MSH3: variants seen among roughly 807,000 people sequenced by gnomAD.
The protein encoded by MSH3 is mutS homolog 3.
MSH3 carries 106 observed loss-of-function variants against 123.3 expected under a neutral mutation model. That is an observed-to-expected ratio of 0.86 (90% CI 0.73 to 1.01). The LOEUF is 1.01. MSH3 is among the 50% of genes least tolerant of loss of function. The pLI is 0.00. For missense variants in MSH3, 1,459 were observed against 1,347.6 expected, an observed-to-expected ratio of 1.08 and a Z score of -1.29; for synonymous variants, 515 against 481.4, an observed-to-expected ratio of 1.07 and a Z score of -0.91.
intron 20 of MSH3, among the ~76,000 whole-genome samples, chr5:80,814,912 C>T (rs559121369): frequency 2.0e-5 from 3 of 152,196 alleles, no homozygotes; most frequent in African/African-American, 7.2e-5. Flanking sequence ...GTAGTTTAAT[C>T]TGTTTAACAC....
Position 80,771,590 on chromosome 5 carries a change from G to A in MSH3, c.2253+2587G>A, listed in dbSNP as rs564329937. ...CTCTGAGAAGTGAGGGAGGCAGGGT[G>A]GAAAACCCTTATTTTACATTTATTG... On this transcript the variant is annotated intron_variant, in intron 15 of 23. Transcript: ENST00000265081. Among the ~76,000 whole-genome samples the A allele has an allele frequency of 4.6e-5, 7 of 152,202 alleles. No individual in the cohort carries two copies. In the South Asian group the frequency reaches 1.5e-3, roughly 32 times the overall value.
intron 14 of MSH3, among the ~76,000 whole-genome samples, chr5:80,768,407 C>A (rs1744161275): frequency 6.6e-6 from 1 of 152,028 alleles, no homozygotes. Context: ...GTTTATTAAC[C>A]CCAAAATGAG....
chr5:80,733,085 A>G lies in MSH3; in HGVS notation c.1568+4120A>G, dbSNP rs527655704. ...ACTTACTACAAAGTGAGTAATCAAG[A>G]CAGTGTGGAGGGTGGGATTAAAAAA... On this transcript the variant is annotated intron_variant, in intron 10 of 23. Transcript: ENST00000265081. 5.3e-5 allele frequency among the ~76,000 whole-genome samples: 8 copies of G among 152,260 alleles called. No homozygotes were observed. In the South Asian group the frequency reaches 1.2e-3, roughly 24 times the overall value.
chr5:80,656,886 A>T (rs866230189), intron 2 of MSH3, among the ~76,000 whole-genome samples: 4 of 152,194 alleles, frequency 2.6e-5, no homozygotes, highest in Non-Finnish European at 5.9e-5. Context: ...CCTTTGAGTG[A>T]GGCCCACTGC....
chr5:80,691,905 A>C (rs960301364), intron 8 of MSH3, among the ~76,000 whole-genome samples: 2 of 132,458 alleles, frequency 1.5e-5, no homozygotes, highest in Non-Finnish European at 3.2e-5. Flanking sequence ...GTTTATATAG[A>C]TAAACATGTA....
At chr5:80,679,177 A>G in intron 8 of MSH3, 84 bp downstream of exon 8, 1 of 1,411,900 alleles carries the variant, frequency 7.1e-7, no homozygotes, top group East Asian at 2.3e-5. Context: ...AAGTTGCTAA[A>G]AATAGTTTTT....
intron 8 of MSH3, among the ~76,000 whole-genome samples, chr5:80,724,769 A>T (rs1337661406): frequency 6.6e-6 from 1 of 152,224 alleles, no homozygotes; most frequent in African/African-American, 2.4e-5. Flanking sequence ...TATTTAAACA[A>T]ATAACGTAAT....
chr5:80,813,893 G>C (rs1215435828), intron 20 of MSH3, 152 bp downstream of exon 20: 2 of 854,334 alleles, frequency 2.3e-6, no homozygotes, highest in Non-Finnish European at 3.7e-6. Flanking sequence ...GGGCACGGTG[G>C]CTCACACCTG....
At chr5:80,747,414 A>G (rs1446595661) in intron 12 of MSH3, among the ~76,000 whole-genome samples, 1 of 152,178 alleles carries the variant, frequency 6.6e-6, no homozygotes, top group African/African-American at 2.4e-5. Context: ...CCAGGCATTC[A>G]ACACTGATGT....
At chr5:80,731,802 C>T (rs1037797189) in intron 10 of MSH3, among the ~76,000 whole-genome samples, 2 of 151,980 alleles carry the variant, frequency 1.3e-5, no homozygotes, top group Admixed American at 6.6e-5. Context: ...GAATATTCTC[C>T]TTGTAGATGA....
chr5:80,696,723 C>G (rs1392155422), intron 8 of MSH3, among the ~76,000 whole-genome samples: 1 of 152,092 alleles, frequency 6.6e-6, no homozygotes, highest in Non-Finnish European at 1.5e-5. Flanking sequence ...TTCCCAGAAG[C>G]AGAAGTTCTT....
At chr5:80,834,795 C>G (rs1171005111) in intron 20 of MSH3, among the ~76,000 whole-genome samples, 1 of 152,006 alleles carries the variant, frequency 6.6e-6, no homozygotes, top group Admixed American at 6.6e-5. Context: ...AAAAGTATGT[C>G]CAAGATCTCC....
intron 21 of MSH3, 101 bp downstream of exon 21, chr5:80,854,417 T>A: frequency 9.5e-7 from 1 of 1,055,286 alleles, no homozygotes; most frequent in Non-Finnish European, 1.4e-6. Context: ...TACAATGTGA[T>A]GTTTTGAAAC....
rs547059748 is a variant in MSH3 at position 80,812,211 on chromosome 5, C to T, written c.2656-1373C>T. Among the ~76,000 whole-genome samples the T allele has an allele frequency of 1.3e-4, 20 of 152,272 alleles. No individual in the cohort carries two copies. In the South Asian group the frequency reaches 4.1e-3, roughly 32 times the overall value. On this transcript the variant is annotated intron_variant, in intron 19 of 23. Transcript: ENST00000265081. Reference sequence around the variant, plus strand: ...ATGTGTGGCTAATTAGAATATGATACAGCTTTAGGGATGGAACAGGTTTTC... The same window carrying T: ...ATGTGTGGCTAATTAGAATATGATATAGCTTTAGGGATGGAACAGGTTTTC...
chr5:80,762,830 G>T (rs868008144), intron 13 of MSH3, among the ~76,000 whole-genome samples: 6 of 121,012 alleles, frequency 5.0e-5, no homozygotes, highest in African/African-American at 1.5e-4. Flanking sequence ...GTTATGTTAT[G>T]TTATTTTATG....
intron 21 of MSH3, chr5:80,855,484 C>G (rs923837732): frequency 7.2e-5 from 11 of 152,000 alleles, no homozygotes; most frequent in African/African-American, 2.4e-4. Flanking sequence ...TTTCTTCAGT[C>G]TTTAGAGACT....
chr5:80,695,550 T>C (rs1243355296), intron 8 of MSH3, among the ~76,000 whole-genome samples: 1 of 152,128 alleles, frequency 6.6e-6, no homozygotes, highest in Admixed American at 6.6e-5. Context: ...GCCACGCTGG[T>C]CTCAAGCTCC....
At chr5:80,866,187 G>A (rs567751600) in intron 22 of MSH3, among the ~76,000 whole-genome samples, 10 of 152,284 alleles carry the variant, frequency 6.6e-5, no homozygotes, top group Admixed American at 5.2e-4. Flanking sequence ...CATCCAGGCT[G>A]GAGTGCAGTG....
At chr5:80,734,874 C>T (rs578073607) in intron 10 of MSH3, among the ~76,000 whole-genome samples, 1 of 152,296 alleles carries the variant, frequency 6.6e-6, no homozygotes, top group East Asian at 1.9e-4. Flanking sequence ...TGTTTTTCCT[C>T]TCTCAGGGTC....
Sources: allele counts gnomAD v4.1 joint callset (sites outside exome capture counted in the v4.1 genomes callset), GRCh38; gene constraint gnomAD v4.1.1; transcripts MANE v1.5; gene names NCBI Gene and HGNC (gene_info 2026-07-23, HGNC 2026-07-21).